NAALADL2: variants seen among roughly 807,000 people sequenced by gnomAD.
The protein encoded by NAALADL2 is inactive N-acetylated-alpha-linked acidic dipeptidase-like protein 2.
In NAALADL2, 76 loss-of-function variants were observed where a neutral mutation model predicts 87.2. The ratio of observed to expected loss-of-function variants is 0.87; its 90% CI spans 0.72 to 1.05. NAALADL2 has a LOEUF of 1.05. Ranked by LOEUF, NAALADL2 falls within the 50% of genes least tolerant of loss-of-function variation. The pLI is 0.00. For synonymous variants in NAALADL2, 354 were observed against 331.0 expected, an observed-to-expected ratio of 1.07 and a Z score of -0.75; for missense variants, 1,089 against 945.8, an observed-to-expected ratio of 1.15 and a Z score of -1.99.
At chr3:175,536,965 GAA>G (rs1205105434) in intron 9 of NAALADL2, among the ~76,000 whole-genome samples, 2 of 152,054 alleles carry the variant, frequency 1.3e-5, no homozygotes, top group African/African-American at 2.4e-5. Context: ...CTGAGCGACA[GAA>G]AGAGACTCCG....
chr3:175,796,835 TAAG>T (rs1409924057), intron 13 of NAALADL2, among the ~76,000 whole-genome samples: 2 of 152,166 alleles, frequency 1.3e-5, no homozygotes, highest in Admixed American at 1.3e-4. Context: ...TTTATGAATA[TAAG>T]AAGGAACATT....
At chr3:175,144,756 T>G (rs921031686) in intron 2 of NAALADL2, among the ~76,000 whole-genome samples, 2 of 151,964 alleles carry the variant, frequency 1.3e-5, no homozygotes, top group East Asian at 1.9e-4. Context: ...AGTTCTTGTG[T>G]TTAATGCCTC....
intron 2 of NAALADL2, among the ~76,000 whole-genome samples, chr3:174,626,999 C>G (rs673050): frequency 0.32 from 49,336 of 151,842 alleles, 8,253 homozygotes; most frequent in Admixed American, 0.45. Context: ...GTCCTATACT[C>G]TCATTCTTTC....
At position 175,231,893 on chromosome 3, in the gene NAALADL2, G is replaced by A. The variant is rs569114997; in HGVS notation, c.546-2038G>A. ...GTGTTGTTTTTAACTCAGTTTACCT[G>A]CTCTATCCCAAAAATACAGAGAGAA... On this transcript the variant is annotated intron_variant, in intron 2 of 13. Coordinates refer to ENST00000454872, the MANE Select transcript of NAALADL2 (RefSeq NM_207015.3). Among the ~76,000 whole-genome samples, 4 of 152,118 alleles carry A rather than the reference G, an allele frequency of 2.6e-5. No homozygotes were observed. In the East Asian group the frequency reaches 7.7e-4, roughly 29 times the overall value.
intron 1 of NAALADL2, among the ~76,000 whole-genome samples, chr3:175,080,683 G>C (rs1383040555): frequency 6.6e-6 from 1 of 152,130 alleles, no homozygotes; most frequent in Non-Finnish European, 1.5e-5. Flanking sequence ...TCACTTATCT[G>C]TGTGGAAAGA....
intron 11 of NAALADL2, among the ~76,000 whole-genome samples, chr3:175,654,865 C>T (rs114503524): frequency 2.6e-5 from 4 of 151,818 alleles, no homozygotes; most frequent in African/African-American, 9.7e-5. Flanking sequence ...GTATAGGCCC[C>T]TTTGTGTTAT....
intron 3 of NAALADL2, among the ~76,000 whole-genome samples, chr3:174,832,159 T>G (rs1313525461): frequency 2.0e-5 from 3 of 152,184 alleles, no homozygotes; most frequent in African/African-American, 4.8e-5. Flanking sequence ...AACTTTTGAA[T>G]GTGTTTGCTC....
rs142865900 is a variant in NAALADL2, at chr3:175,035,082, A to T, written c.44-61708A>T. ...AATAAATGAATGAAGGTTATGAGAG[A>T]TGTATAATTTGTCCCACGACCAACT... On this transcript the variant is annotated intron_variant, in intron 1 of 13. Transcript: ENST00000454872. Among the ~76,000 whole-genome samples the T allele has an allele frequency of 1.3e-3, 194 of 152,238 alleles. No individual in the cohort carries two copies. In the Middle Eastern group the frequency reaches 0.014, roughly 11 times the overall value.
At chr3:175,524,468 G>T (rs555586145) in intron 9 of NAALADL2, among the ~76,000 whole-genome samples, 3 of 152,150 alleles carry the variant, frequency 2.0e-5, no homozygotes, top group Non-Finnish European at 4.4e-5. Context: ...TACATTTTGG[G>T]AGATGAGGTA....
intron 5 of NAALADL2, among the ~76,000 whole-genome samples, chr3:175,420,595 A>T (rs1008859848): frequency 6.6e-6 from 1 of 152,052 alleles, no homozygotes; most frequent in Non-Finnish European, 1.5e-5. Flanking sequence ...ATAAACAAAA[A>T]ATTTAAAAAG....
chr3:175,013,260 T>C (rs1292972370), intron 1 of NAALADL2, among the ~76,000 whole-genome samples: 2 of 99,950 alleles, frequency 2.0e-5, no homozygotes, highest in African/African-American at 9.0e-5. Flanking sequence ...ATAATATACA[T>C]ATATTTTTAT....
chr3:175,474,003 C>T (rs554948376), intron 9 of NAALADL2, among the ~76,000 whole-genome samples: 118 of 152,240 alleles, frequency 7.8e-4, no homozygotes, highest in Non-Finnish European at 1.5e-3. Context: ...AGAGGTTGTA[C>T]GAATTTACAT....
At chr3:174,890,888 A>G (rs758501660) in intron 1 of NAALADL2, among the ~76,000 whole-genome samples, 10 of 152,176 alleles carry the variant, frequency 6.6e-5, no homozygotes, top group Non-Finnish European at 4.4e-5. Flanking sequence ...GAATTCAGAT[A>G]TTCAAAAAGT....
At chr3:174,971,667 G>T (rs184306147) in intron 1 of NAALADL2, among the ~76,000 whole-genome samples, 3 of 76,892 alleles carry the variant, frequency 3.9e-5, no homozygotes, top group Non-Finnish European at 9.8e-5. Flanking sequence ...ATGCTAGACT[G>T]TGTGTGTGTG....
intron 3 of NAALADL2, among the ~76,000 whole-genome samples, chr3:175,249,382 T>C (rs1309614645): frequency 2.6e-5 from 4 of 152,162 alleles, no homozygotes; most frequent in Admixed American, 1.3e-4. Flanking sequence ...TGAATTATTT[T>C]ATCCCCATTG....
chr3:175,702,665 A>G (rs1457678259), intron 11 of NAALADL2, among the ~76,000 whole-genome samples: 1 of 152,156 alleles, frequency 6.6e-6, no homozygotes, highest in Non-Finnish European at 1.5e-5. Context: ...AGTTATCAAA[A>G]TGTCCCTAAC....
intron 4 of NAALADL2, among the ~76,000 whole-genome samples, chr3:175,312,633 C>T (rs574995685): frequency 5.3e-5 from 8 of 152,224 alleles, no homozygotes; most frequent in East Asian, 3.9e-4. Context: ...GAAAAGATTA[C>T]GAGACTTGAA....
chr3:174,920,475 T>A (rs1234127331), intron 1 of NAALADL2, among the ~76,000 whole-genome samples: 1 of 152,182 alleles, frequency 6.6e-6, no homozygotes, highest in Non-Finnish European at 1.5e-5. Flanking sequence ...GCTTTTCTTC[T>A]GTATCTTCCT....
intron 1 of NAALADL2, among the ~76,000 whole-genome samples, chr3:175,008,529 G>T (rs1376977499): frequency 6.6e-6 from 1 of 152,176 alleles, no homozygotes; most frequent in Non-Finnish European, 1.5e-5. Flanking sequence ...ATTTCAAGAG[G>T]CCTGACCCCA....
Sources: allele counts gnomAD v4.1 joint callset (sites outside exome capture counted in the v4.1 genomes callset), GRCh38; gene constraint gnomAD v4.1.1; transcripts MANE v1.5; gene names NCBI Gene and HGNC (gene_info 2026-07-23, HGNC 2026-07-21).